The following CADPS variants were observed in gnomAD, a reference collection of about 807,000 sequenced individuals.
CADPS encodes the protein calcium dependent secretion activator.
A neutral mutation model predicts 167.3 loss-of-function variants in CADPS; 57 were observed. That is an observed-to-expected ratio of 0.34 (90% CI 0.28 to 0.42). The LOEUF is 0.42. Ranked by LOEUF, CADPS falls within the 20% of genes least tolerant of loss-of-function variation. CADPS has a pLI of 1.00. For missense variants in CADPS, 1,414 were observed against 1,738.1 expected (o/e 0.81, Z 3.32); for synonymous variants, 676 against 635.3 (o/e 1.06, Z -0.96).
intron 28 of CADPS, among the ~76,000 whole-genome samples, chr3:62,419,692 T>G (rs1184574954): frequency 6.6e-6 from 1 of 152,130 alleles, no homozygotes; most frequent in Non-Finnish European, 1.5e-5. Flanking sequence ...GATCGCTTCT[T>G]AGGTATGGGA....
intron 1 of CADPS, among the ~76,000 whole-genome samples, chr3:62,842,198 C>T (rs73844642): frequency 6.6e-6 from 1 of 152,170 alleles, no homozygotes; most frequent in Non-Finnish European, 1.5e-5. Flanking sequence ...ACAACAGTTA[C>T]CAGTGCCAAC....
intron 4 of CADPS, among the ~76,000 whole-genome samples, chr3:62,660,968 C>T (rs780493349): frequency 2.0e-5 from 3 of 152,322 alleles, no homozygotes; most frequent in Non-Finnish European, 4.4e-5. Context: ...TCAACCTGGA[C>T]TTCCCCATCT....
At chr3:62,782,693 C>G (rs2091863607) in intron 1 of CADPS, among the ~76,000 whole-genome samples, 1 of 151,768 alleles carries the variant, frequency 6.6e-6, no homozygotes, top group Non-Finnish European at 1.5e-5. Flanking sequence ...GAAAAGTGGC[C>G]TCGAAAATTA....
Position 62,497,931 on chromosome 3 carries a change from T to C in CADPS, c.2706+1231A>G, listed in dbSNP as rs542894700. Reference sequence around the variant, plus strand: ...CTGCAGTCGTTGTTAAGTATATCAATTGCTTCATGCACGCACAAGAGAATC... The same window carrying C: ...CTGCAGTCGTTGTTAAGTATATCAACTGCTTCATGCACGCACAAGAGAATC... On this transcript the variant is annotated intron_variant, in intron 18 of 29. Coordinates refer to ENST00000383710, the MANE Select transcript of CADPS (RefSeq NM_003716.4). Among the ~76,000 whole-genome samples the C allele has an allele frequency of 7.7e-4, 117 of 152,274 alleles. 2 individuals are homozygous for C. The South Asian group carries it at 0.022, about 29-fold the overall frequency.
intron 23 of CADPS, among the ~76,000 whole-genome samples, chr3:62,474,607 T>C (rs1375707479): frequency 6.6e-6 from 1 of 152,190 alleles, no homozygotes; most frequent in African/African-American, 2.4e-5. Flanking sequence ...TGCAGGAGAA[T>C]GAATGAATTC....
intron 1 of CADPS, among the ~76,000 whole-genome samples, chr3:62,848,106 G>A (rs938034957): frequency 0.023 from 3,277 of 141,008 alleles, 306 homozygotes; most frequent in African/African-American, 0.092. Context: ...CATGTCCTTC[G>A]CCCACTTTTT....
At chr3:62,457,946 G>C (rs111729809) in intron 26 of CADPS, among the ~76,000 whole-genome samples, 1 of 152,146 alleles carries the variant, frequency 6.6e-6, no homozygotes, top group Non-Finnish European at 1.5e-5. Context: ...TGGGGGACTA[G>C]GGGAGGGATA....
chr3:62,489,393 C>T (rs2063345561), intron 21 of CADPS, among the ~76,000 whole-genome samples: 1 of 152,206 alleles, frequency 6.6e-6, no homozygotes, highest in Admixed American at 6.5e-5. Flanking sequence ...ATCCCCTGAC[C>T]TTGTGATCCA....
At chr3:62,794,676 C>T (rs1391022656) in intron 1 of CADPS, among the ~76,000 whole-genome samples, 3 of 151,352 alleles carry the variant, frequency 2.0e-5, no homozygotes, top group Non-Finnish European at 4.4e-5. Context: ...TAATGTCCCT[C>T]ATTCCATCAT....
chr3:62,624,494 T>C (rs944003254), intron 6 of CADPS, among the ~76,000 whole-genome samples: 4 of 151,972 alleles, frequency 2.6e-5, no homozygotes, highest in Non-Finnish European at 4.4e-5. Flanking sequence ...TGGTAATATA[T>C]TTTTTTTAAA....
At chr3:62,511,125 T>A (rs571463011) in intron 17 of CADPS, among the ~76,000 whole-genome samples, 5 of 152,146 alleles carry the variant, frequency 3.3e-5, no homozygotes, top group African/African-American at 4.8e-5. Flanking sequence ...ACCTGTGGAA[T>A]CTTTCTTCTG....
Position 62,613,967 on chromosome 3 carries a change from C to T in CADPS, c.1326-21219G>A, listed in dbSNP as rs1301674486. On this transcript the variant is annotated intron_variant, in intron 6 of 29. Coordinates refer to ENST00000383710, the MANE Select transcript of CADPS (RefSeq NM_003716.4). The stretch of plus-strand genomic sequence containing the variant: ...CCCCTCTGTGCTCCCCGAGTGACTG[C>T]CAATCTGCATGACCCTGAGAGAGTG... Among the ~76,000 whole-genome samples the T allele has an allele frequency of 5.3e-5, 8 of 152,248 alleles. No homozygotes were observed. The East Asian group carries it at 1.5e-3, about 29-fold the overall frequency.
chr3:62,697,701 G>T (rs2080597109), intron 3 of CADPS, among the ~76,000 whole-genome samples: 1 of 152,068 alleles, frequency 6.6e-6, no homozygotes, highest in Non-Finnish European at 1.5e-5. Flanking sequence ...CGTAGTGGTT[G>T]CACTAGTTTA....
At chr3:62,624,798 C>T (rs1212323390) in intron 6 of CADPS, among the ~76,000 whole-genome samples, 4 of 151,878 alleles carry the variant, frequency 2.6e-5, no homozygotes, top group Non-Finnish European at 5.9e-5. Context: ...GTGTGTAGAT[C>T]AGGGTTATCC....
chr3:62,532,717 TTGTGTGTGTG>T (rs10586016), intron 13 of CADPS, among the ~76,000 whole-genome samples, 144 bp downstream of exon 13: 38 of 148,898 alleles, frequency 2.6e-4, no homozygotes, highest in Admixed American at 9.4e-4. Context: ...TTAGTGCCCT[TTGTGTGTGTG>T]TGTGTGTGTG....
At chr3:62,788,219 A>G (rs913717809) in intron 1 of CADPS, among the ~76,000 whole-genome samples, 1 of 152,188 alleles carries the variant, frequency 6.6e-6, no homozygotes, top group Non-Finnish European at 1.5e-5. Context: ...TTAATTATTT[A>G]CAAAGTGCAT....
At chr3:62,658,016 C>G (rs1402449714) in intron 4 of CADPS, among the ~76,000 whole-genome samples, 1 of 152,156 alleles carries the variant, frequency 6.6e-6, no homozygotes, top group African/African-American at 2.4e-5. Flanking sequence ...CACACAGCAA[C>G]TTCTAGTGGA....
At chr3:62,707,540 A>C (rs2082556347) in intron 3 of CADPS, among the ~76,000 whole-genome samples, 1 of 152,164 alleles carries the variant, frequency 6.6e-6, no homozygotes, top group Non-Finnish European at 1.5e-5. Flanking sequence ...AAGGGAAAAT[A>C]CTGGATTGGC....
rs982025315 is a variant in CADPS, at chr3:62,455,333, G to T, written c.3637-9536C>A. On this transcript the variant is annotated intron_variant, in intron 26 of 29. Coordinates refer to ENST00000383710, the MANE Select transcript of CADPS (RefSeq NM_003716.4). This position sits in a 1 kb window ranked among gnomAD's most constrained non-coding sequence, Gnocchi z 4.4. The stretch of plus-strand genomic sequence containing the variant: ...ATGCTTACTCTTTGCCTAGCACAAG[G>T]TTAAGCAATTTATAAGGAATTCACC... 2.0e-5 allele frequency among the ~76,000 whole-genome samples: 3 copies of T among 152,174 alleles called. No individual in the cohort carries two copies. The East Asian group carries it at 5.8e-4, about 29-fold the overall frequency.
Sources: allele counts gnomAD v4.1 joint callset (sites outside exome capture counted in the v4.1 genomes callset), GRCh38; gene constraint gnomAD v4.1.1; non-coding constraint Gnocchi (gnomAD v3.1); transcripts MANE v1.5; gene names NCBI Gene and HGNC (gene_info 2026-07-23, HGNC 2026-07-21).